Variants in RAPGEF5 observed in about 807,000 individuals in gnomAD.
RAPGEF5 encodes Rap guanine nucleotide exchange factor 5.
Under a neutral mutation model 125.2 loss-of-function variants are expected in RAPGEF5, and 65 were observed. The observed-to-expected ratio is 0.52, with a 90% CI of 0.43 to 0.64. The LOEUF (loss-of-function observed/expected upper bound fraction) is 0.64. RAPGEF5 is among the 30% of genes least tolerant of loss of function. RAPGEF5 has a pLI of 0.00. For synonymous variants in RAPGEF5, 391 were observed against 385.9 expected (o/e 1.01, Z -0.16); for missense variants, 958 against 1,048.1 (o/e 0.91, Z 1.19).
intron 8 of RAPGEF5, among the ~76,000 whole-genome samples, chr7:22,229,871 C>T (rs1350446637): frequency 6.6e-6 from 1 of 152,144 alleles, no homozygotes; most frequent in Non-Finnish European, 1.5e-5. Context: ...GAATCTGTTC[C>T]TAATCTAATT....
chr7:22,217,904 T>G (rs575645966), intron 9 of RAPGEF5, among the ~76,000 whole-genome samples: 29 of 152,328 alleles, frequency 1.9e-4, no homozygotes, highest in African/African-American at 7.0e-4. Flanking sequence ...CTGCAAATCT[T>G]CAATCACTAA....
chr7:22,197,660 C>G (rs1785178191), intron 9 of RAPGEF5, among the ~76,000 whole-genome samples: 1 of 152,128 alleles, frequency 6.6e-6, no homozygotes, highest in African/African-American at 2.4e-5. Flanking sequence ...TCAGCACTCT[C>G]AGGAGCACTT....
chr7:22,198,584 A>G (rs1785205631), intron 9 of RAPGEF5, among the ~76,000 whole-genome samples: 1 of 152,328 alleles, frequency 6.6e-6, no homozygotes, highest in African/African-American at 2.4e-5. Context: ...ACCTAATATA[A>G]TTTTATTCCA....
chr7:22,314,651 T>C (rs908110814), intron 3 of RAPGEF5: 1 of 978,170 alleles, frequency 1.0e-6, no homozygotes, highest in African/African-American at 1.8e-5. Context: ...AATAGAATAG[T>C]GATAACAAAT....
At chr7:22,303,775 A>T (rs1783267843) in intron 5 of RAPGEF5, among the ~76,000 whole-genome samples, 1 of 152,234 alleles carries the variant, frequency 6.6e-6, no homozygotes, top group African/African-American at 2.4e-5. Flanking sequence ...GAATTTTTTT[A>T]AATACAAAAT....
At chr7:22,256,784 G>A (rs1296074805) in intron 7 of RAPGEF5, among the ~76,000 whole-genome samples, 1 of 152,172 alleles carries the variant, frequency 6.6e-6, no homozygotes, top group East Asian at 1.9e-4. Flanking sequence ...AGACACTAAT[G>A]AGCCAACATT....
chr7:22,173,664 C>T (rs564943367), intron 11 of RAPGEF5, among the ~76,000 whole-genome samples: 6 of 152,284 alleles, frequency 3.9e-5, no homozygotes, highest in African/African-American at 1.4e-4. Context: ...GATTTGAATA[C>T]AACAGGTATT....
intron 25 of RAPGEF5, among the ~76,000 whole-genome samples, chr7:22,122,940 T>G (rs541058132): frequency 6.6e-6 from 1 of 152,158 alleles, no homozygotes; most frequent in Non-Finnish European, 1.5e-5. Context: ...TATATCTCAG[T>G]CTAGAAGCGT....
intron 6 of RAPGEF5, among the ~76,000 whole-genome samples, chr7:22,276,387 CAT>C (rs1474396284): frequency 6.6e-6 from 1 of 152,134 alleles, no homozygotes; most frequent in African/African-American, 2.4e-5. Flanking sequence ...CCATTCCATA[CAT>C]ATCTTTTCTC....
At chr7:22,261,323 T>C (rs1054939040) in intron 7 of RAPGEF5, among the ~76,000 whole-genome samples, 6 of 152,098 alleles carry the variant, frequency 3.9e-5, no homozygotes, top group African/African-American at 1.4e-4. Flanking sequence ...AAAACTATAT[T>C]ACTGATATAA....
At position 22,357,131 on chromosome 7, in the gene RAPGEF5, GC is replaced by G; in HGVS notation, c.-72del. On this transcript the variant is annotated 5_prime_UTR_variant, in exon 1 of 26. Transcript: ENST00000665637. ...GCCTCCGCGCGCCGTCCGCGCCTTC[GC>G]CAGGAAGCGAGAGGGCGCGACTGCG... is the stretch of plus-strand genomic sequence containing the variant. 1 of 858,704 alleles carries G rather than the reference GC, an allele frequency of 1.2e-6. No individual in the cohort carries two copies. The highest frequency in any genetic ancestry group is 1.4e-6 in the Non-Finnish European group (1 of 709,328). The allele number at this position is 858,704 out of a possible 1,614,324, so 53.2% of individuals were successfully genotyped here. A position where few individuals can be genotyped will look rare whatever the true frequency, so the allele number is the denominator to read the frequency against.
chr7:22,119,854 G>C lies in RAPGEF5; in HGVS notation c.*2552C>G, dbSNP rs1782532807. ...AGAGGCCTTGGTGAATATCCAGAGA[G>C]GGTGCATGGCCCATCCTATTAACAA... On this transcript the variant is annotated 3_prime_UTR_variant, in exon 26 of 26. Transcript: ENST00000665637. The surrounding 1 kb of genome is among the most constrained non-coding windows in gnomAD (Gnocchi z 4.1). 1 of 152,222 alleles carries C rather than the reference G, an allele frequency of 6.6e-6. No homozygotes were observed. The highest frequency in any genetic ancestry group is 6.5e-5 in the Admixed American group (1 of 15,284). 9.4% of individuals were successfully genotyped at this position (152,222 alleles called of 1,614,324 possible).
chr7:22,291,217 G>T lies in RAPGEF5; in HGVS notation c.705C>A (p.Ser235=). 1 of 1,572,642 alleles carries T rather than the reference G, an allele frequency of 6.4e-7. No homozygotes were observed. Residue 235 remains serine (S), a synonymous_variant, in exon 6 of 26, where the codon TCC becomes TCA. Transcript: ENST00000665637. ...CELSHQKIED[S]EESSDEILVR... is the part of the protein sequence containing the mutation. Reference sequence around the variant, plus strand: ...CAAGAATTTCATCACTGCTTTCTTCGGAGTCTTCAATTTTCTGATGAGACC... The same window carrying T: ...CAAGAATTTCATCACTGCTTTCTTCTGAGTCTTCAATTTTCTGATGAGACC...
intron 9 of RAPGEF5, among the ~76,000 whole-genome samples, chr7:22,199,153 T>C (rs1389225519): frequency 6.6e-6 from 1 of 152,114 alleles, no homozygotes; most frequent in Non-Finnish European, 1.5e-5. Flanking sequence ...GGGAAAGCCA[T>C]ACAAGGGCTT....
chr7:22,224,273 T>G (rs1322614900), intron 8 of RAPGEF5, among the ~76,000 whole-genome samples: 1 of 151,960 alleles, frequency 6.6e-6, no homozygotes, highest in African/African-American at 2.4e-5. Flanking sequence ...ATCATTAAGA[T>G]GCTCTTTTAA....
At chr7:22,134,861 G>T (rs562811839) in intron 23 of RAPGEF5, among the ~76,000 whole-genome samples, 3 of 152,096 alleles carry the variant, frequency 2.0e-5, no homozygotes, top group African/African-American at 7.2e-5. Context: ...TTTATTTCAC[G>T]CATTTGTATT....
At chr7:22,123,563 CT>C (rs1272813640) in intron 25 of RAPGEF5, among the ~76,000 whole-genome samples, 1 of 152,086 alleles carries the variant, frequency 6.6e-6, no homozygotes, top group Non-Finnish European at 1.5e-5. Context: ...GTGAAACCCC[CT>C]TTTTTCTCCT....
chr7:22,266,838 T>C, intron 7 of RAPGEF5, 126 bp downstream of exon 7: 1 of 826,134 alleles, frequency 1.2e-6, no homozygotes, highest in Non-Finnish European at 1.8e-6. Context: ...TAAAAACAAA[T>C]GGTATAATTC....
intron 11 of RAPGEF5, 116 bp downstream of exon 11, chr7:22,193,251 A>T: frequency 8.9e-7 from 1 of 1,122,558 alleles, no homozygotes; most frequent in South Asian, 1.6e-5. Flanking sequence ...CGCACAAAGC[A>T]TATGCTATTT....
Sources: allele counts gnomAD v4.1 joint callset (sites outside exome capture counted in the v4.1 genomes callset), GRCh38; gene constraint gnomAD v4.1.1; non-coding constraint Gnocchi (gnomAD v3.1); transcripts MANE v1.5; gene names NCBI Gene and HGNC (gene_info 2026-07-23, HGNC 2026-07-21).